The following ENTREP1 variants were observed in gnomAD, a reference collection of about 807,000 sequenced individuals.
The protein encoded by ENTREP1 is Friedreich ataxia region gene X123.
chr9:69,344,041 A>G, the ENTREP1 span, among the ~76,000 whole-genome samples: 1 of 152,230 alleles, frequency 6.6e-6, no homozygotes, highest in African/African-American at 2.4e-5. Context: ...ATAGTAGTAC[A>G]TATGTATTTG....
the ENTREP1 span, among the ~76,000 whole-genome samples, chr9:69,354,194 T>A: frequency 6.6e-6 from 1 of 151,946 alleles, no homozygotes; most frequent in African/African-American, 2.4e-5. Context: ...TTAGCTGATA[T>A]GTCTCTTAAG....
chr9:69,385,535 C>G, the ENTREP1 span, among the ~76,000 whole-genome samples: 1 of 152,062 alleles, frequency 6.6e-6, no homozygotes, highest in Non-Finnish European at 1.5e-5. Context: ...TGGCATGGCT[C>G]CTTTATTTTG....
the ENTREP1 span, among the ~76,000 whole-genome samples, chr9:69,349,098 C>A: frequency 7.0e-6 from 1 of 143,242 alleles, no homozygotes; most frequent in African/African-American, 2.6e-5. Flanking sequence ...GCAGGGGAAT[C>A]GCTTGAACCC....
chr9:69,360,891 T>C, the ENTREP1 span, among the ~76,000 whole-genome samples: 1 of 74,948 alleles, frequency 1.3e-5, no homozygotes, highest in Admixed American at 1.4e-4. Context: ...ATCTTGCATG[T>C]AAATTGCAAA....
At chr9:69,369,080 G>A in the ENTREP1 span, among the ~76,000 whole-genome samples, 1 of 152,112 alleles carries the variant, frequency 6.6e-6, no homozygotes, top group African/African-American at 2.4e-5. Context: ...AACATGCGGT[G>A]TTTGGTTTTC....
the ENTREP1 span, among the ~76,000 whole-genome samples, chr9:69,371,892 C>CA: frequency 6.6e-6 from 1 of 152,196 alleles, no homozygotes; most frequent in African/African-American, 2.4e-5. Context: ...CACAATCAAT[C>CA]AGTCTCTGAC....
the ENTREP1 span, chr9:69,324,926 C>T: frequency 1.0e-6 from 1 of 985,142 alleles, no homozygotes; most frequent in Non-Finnish European, 1.2e-6. Flanking sequence ...GTGCCTCCCA[C>T]CTCGAGGGAC....
chr9:69,370,335 T>TG, the ENTREP1 span, among the ~76,000 whole-genome samples: 46 of 152,356 alleles, frequency 3.0e-4, no homozygotes, highest in African/African-American at 1.1e-3. Context: ...GATCAAGTCC[T>TG]GTCCTTTGCC....
chr9:69,387,735 C>G, the ENTREP1 span: 1 of 403,326 alleles, frequency 2.5e-6, no homozygotes, highest in Non-Finnish European at 4.5e-6. Context: ...TCTTGTCTCT[C>G]TTCAGCCCCT....
the ENTREP1 span, among the ~76,000 whole-genome samples, chr9:69,357,180 G>A: frequency 6.6e-6 from 1 of 152,032 alleles, no homozygotes; most frequent in South Asian, 2.1e-4. Flanking sequence ...TGAGGGACCC[G>A]GGATAGGGCA....
chr9:69,383,825 C>T, the ENTREP1 span: 1 of 1,598,670 alleles, frequency 6.3e-7, no homozygotes. Context: ...ACCGCCCCAC[C>T]CCCTGCCCCC....
the ENTREP1 span, among the ~76,000 whole-genome samples, chr9:69,374,984 T>C: frequency 6.6e-6 from 1 of 152,224 alleles, no homozygotes; most frequent in African/African-American, 2.4e-5. Context: ...GCCTGAGGTT[T>C]CTTTGTATCC....
the ENTREP1 span, among the ~76,000 whole-genome samples, chr9:69,345,593 T>TA: frequency 7.2e-5 from 11 of 152,212 alleles, no homozygotes; most frequent in Non-Finnish European, 1.6e-4. Context: ...TTAGCCTTCT[T>TA]ACTCTTTTTT....
the ENTREP1 span, chr9:69,375,620 T>C: frequency 1.2e-6 from 1 of 802,842 alleles, no homozygotes; most frequent in East Asian, 2.6e-5. Context: ...GATAGAGGCA[T>C]TGCCTGACAC....
At chr9:69,340,587 ATGTGTGCATGCATG>A in the ENTREP1 span, among the ~76,000 whole-genome samples, 1 of 134,506 alleles carries the variant, frequency 7.4e-6, no homozygotes, top group Admixed American at 7.5e-5. Flanking sequence ...GCTAGGAAGT[ATGTGTGCATGCATG>A]TGTGTGTGTG....
chr9:69,386,241 C>G, the ENTREP1 span: 1 of 225,804 alleles, frequency 4.4e-6, no homozygotes, highest in Non-Finnish European at 8.5e-6. Context: ...TTATGCACAC[C>G]TAGTTCTGAT....
At chr9:69,378,822 G>A in the ENTREP1 span, among the ~76,000 whole-genome samples, 1 of 152,222 alleles carries the variant, frequency 6.6e-6, no homozygotes, top group Non-Finnish European at 1.5e-5. Context: ...CTCTGTGCTG[G>A]GTTATTGGAA....
chr9:69,390,671 C>T, the ENTREP1 span, among the ~76,000 whole-genome samples: 2 of 152,222 alleles, frequency 1.3e-5, no homozygotes, highest in East Asian at 3.9e-4. Flanking sequence ...ACAAGGTCTC[C>T]GTCTGTCACC....
At chr9:69,377,313 T>A in the ENTREP1 span, 1 of 984,648 alleles carries the variant, frequency 1.0e-6, no homozygotes, top group South Asian at 1.3e-5. Flanking sequence ...TTTTCTACAT[T>A]GTATTCTGGT....
Sources: allele counts gnomAD v4.1 joint callset (sites outside exome capture counted in the v4.1 genomes callset), GRCh38; gene constraint gnomAD v4.1.1; transcripts MANE v1.5; gene names NCBI Gene and HGNC (gene_info 2026-07-23, HGNC 2026-07-21).